The following PLEKHG4 variants were observed in gnomAD, a reference collection of about 807,000 sequenced individuals.
PLEKHG4 encodes the protein pleckstrin homology and RhoGEF domain containing G4, also known as puratrophin-1.
In PLEKHG4, 85 loss-of-function variants were observed where a neutral mutation model predicts 136.9. The observed-to-expected ratio is 0.62, with a 90% CI of 0.52 to 0.74. PLEKHG4 has a LOEUF of 0.74. PLEKHG4 is among the 30% of genes least tolerant of loss of function. The pLI, the probability that PLEKHG4 is intolerant of heterozygous loss-of-function variation, is 0.00. For missense variants in PLEKHG4, 1,317 were observed against 1,527.8 expected (o/e 0.86, Z 2.30); for synonymous variants, 577 against 646.9 (o/e 0.89, Z 1.64).
At position 67,281,179 on chromosome 16, in the gene PLEKHG4, C is replaced by A; in HGVS notation, c.808C>A (p.Leu270Ile). The change falls in exon 5 of 22, where the codon CTA (leucine) becomes ATA (isoleucine). Residue 270 changes from leucine to isoleucine, a missense_variant. Leu to Ile is a conservative substitution (Grantham distance 5). Transcript: ENST00000379344. ...TTCCCTCTTCTCTGGGCTCAGCCAACTACAAGTGAGTACAGGATTGTAGCT... is the reference window on the plus strand; with the variant it reads ...TTCCCTCTTCTCTGGGCTCAGCCAAATACAAGTGAGTACAGGATTGTAGCT... ...SSSLFSGLSQ[L>I]QEAAPGAVYQ... 6.2e-7 allele frequency: 1 copy of A among 1,600,330 alleles called. No homozygotes were observed.
rs1436750416 is a variant in PLEKHG4 at position 67,280,518 on chromosome 16, A to G, written c.474A>G (p.Ser158=). Residue 158 remains serine, a synonymous_variant, in exon 2 of 22, where the codon TCA becomes TCG. Transcript: ENST00000379344. The surrounding 1 kb of genome is among the most constrained non-coding windows in gnomAD (Gnocchi z 4.4). ...SDPVGLGDPL[S]EISKLLEAAP... ...CTGTGGGCCTTGGAGACCCTTTATCAGAAATATCAAAGCTGCTGGAGGCAG... is the reference window on the plus strand; with the variant it reads ...CTGTGGGCCTTGGAGACCCTTTATCGGAAATATCAAAGCTGCTGGAGGCAG... 2.5e-6 allele frequency: 4 copies of G among 1,612,136 alleles called. No individual in the cohort carries two copies. In the South Asian group the frequency reaches 3.3e-5, roughly 13 times the overall value.
intron 11 of PLEKHG4, among the ~76,000 whole-genome samples, chr16:67,283,262 A>G (rs1377199902): frequency 2.0e-5 from 3 of 152,138 alleles, no homozygotes; most frequent in Non-Finnish European, 4.4e-5. Context: ...CTGAGGAATC[A>G]TAAGGCCAGT....
In PLEKHG4 at chr16:67,284,651, C is replaced by G; in HGVS notation, c.1693-62C>G. ...TGGGGATGGGGAGTGGGTAGAGGAGCAGAGTGCCCAGCAGGCTTGGCAGGA... is the reference window on the plus strand; with the variant it reads ...TGGGGATGGGGAGTGGGTAGAGGAGGAGAGTGCCCAGCAGGCTTGGCAGGA... On this transcript the variant is annotated intron_variant, in intron 12 of 21. Transcript: ENST00000379344. This position sits in a 1 kb window ranked among gnomAD's most constrained non-coding sequence, Gnocchi z 4.4. 6.3e-7 allele frequency: 1 copy of G among 1,589,860 alleles called. No homozygotes were observed. Among genetic ancestry groups the G allele is most frequent in the African/African-American group, 1.3e-5 (1 of 74,562 alleles).
rs2036419210 is a variant in PLEKHG4, at chr16:67,285,337, TCCGGGCTCTAGAGTA to T, written c.2245_2259del (p.Arg749_Tyr753del). On this transcript the variant is annotated inframe_deletion, in exon 14 of 22. Coordinates refer to ENST00000379344, the MANE Select transcript of PLEKHG4 (RefSeq NM_001129729.3). ...ATGGTGGCCACGGAGCGGGAGTATGTCCGGGCTCTAGAGTACACTATGGAGAACTATTTCCCCGAG... is the reference window on the plus strand; with the variant it reads ...ATGGTGGCCACGGAGCGGGAGTATGTCACTATGGAGAACTATTTCCCCGAG... 1.2e-6 allele frequency: 2 copies of T among 1,614,062 alleles called. No homozygotes were observed. The highest frequency in any genetic ancestry group is 2.7e-5 in the African/African-American group (2 of 74,928).
At chr16:67,286,055 GCTT>G (rs2036452445) in intron 14 of PLEKHG4, among the ~76,000 whole-genome samples, 1 of 152,088 alleles carries the variant, frequency 6.6e-6, no homozygotes, top group African/African-American at 2.4e-5. Context: ...AGGGCAAGGG[GCTT>G]CTTCCTTGGG....
chr16:67,280,935 G>T lies in PLEKHG4; in HGVS notation c.649G>T (p.Ala217Ser). The T allele has an allele frequency of 6.2e-7, 1 of 1,613,236 alleles. No individual in the cohort carries two copies. Among genetic ancestry groups the T allele is most frequent in the Non-Finnish European group, 8.5e-7 (1 of 1,180,004 alleles). ...AVLLLCAHSPAWLQSECSSQE... is the reference protein window; with the variant it reads ...AVLLLCAHSPSWLQSECSSQE... ...GCTGCTTCTGTGTGCCCACAGCCCA[G>T]CCTGGCTTCAGTCTGAGTGCAGCAG... The change falls in exon 4 of 22, where the codon GCC (alanine) becomes TCC (serine). Residue 217 changes from alanine to serine, a missense_variant. Ala to Ser is a moderately conservative substitution (Grantham distance 99, BLOSUM62 1). Transcript: ENST00000379344. This position sits in a 1 kb window ranked among gnomAD's most constrained non-coding sequence, Gnocchi z 4.4.
In PLEKHG4 at chr16:67,286,838, T is replaced by C. The variant is rs1270898572; in HGVS notation, c.2844T>C (p.Leu948=). The change falls in exon 17 of 22, where the codon CTT becomes CTC. Residue 948 remains leucine, a synonymous_variant. Coordinates refer to ENST00000379344, the MANE Select transcript of PLEKHG4 (RefSeq NM_001129729.3). ...GRHKSVRRIF[L]FEELLLFSKP... is the part of the protein sequence containing the mutation. ...ACAAGTCCGTGCGCCGCATCTTCCT[T>C]TTTGAGGAGCTGCTGCTCTTCAGCA... is the stretch of plus-strand genomic sequence containing the variant. 6.2e-7 allele frequency: 1 copy of C among 1,613,976 alleles called. No homozygotes were observed. Among genetic ancestry groups the C allele is most frequent in the African/African-American group, 1.3e-5 (1 of 74,948 alleles).
At chr16:67,285,677 T>G (rs1206251974) in intron 14 of PLEKHG4, 141 bp downstream of exon 14, 58 of 934,942 alleles carry the variant, frequency 6.2e-5, no homozygotes, top group Non-Finnish European at 8.7e-5. Context: ...GAGGGTGCTC[T>G]TAGTCCAGTA....
rs575000612 is a variant in PLEKHG4 at position 67,284,776 on chromosome 16, G to A, written c.1756G>A (p.Val586Ile). 6.2e-7 allele frequency: 1 copy of A among 1,613,890 alleles called. No homozygotes were observed. Among genetic ancestry groups the A allele is most frequent in the South Asian group, 1.1e-5 (1 of 91,074 alleles). Residue 586 changes from valine to isoleucine, a missense_variant, in exon 13 of 22, where the codon GTT becomes ATT. Coordinates refer to ENST00000379344, the MANE Select transcript of PLEKHG4 (RefSeq NM_001129729.3). The surrounding 1 kb of genome is among the most constrained non-coding windows in gnomAD (Gnocchi z 4.4). Reference sequence around the variant, plus strand: ...AGAGCTGGAGCAGGAACGCCCGGGGGTTGTGTTGCAGCAGCTGCAGCTGCA... The same window carrying A: ...AGAGCTGGAGCAGGAACGCCCGGGGATTGTGTTGCAGCAGCTGCAGCTGCA... The part of the protein sequence containing the change: ...LAELEQERPG[V>I]VLQQLQLHWT...
Position 67,282,800 on chromosome 16 carries a change from C to T in PLEKHG4, c.1451C>T (p.Ser484Leu), listed in dbSNP as rs139750686. Residue 484 changes from serine (S) to leucine (L), a missense_variant, in exon 11 of 22, where the codon TCG becomes TTG. Coordinates refer to ENST00000379344, the MANE Select transcript of PLEKHG4 (RefSeq NM_001129729.3). ...GCACTGGAGGAGGCTGGGGAGCCCT[C>T]GCTGGACATGCTGCTCCAGGCCCAA... ...WPALEEAGEP[S>L]LDMLLQAQGS... The T allele has an allele frequency of 3.0e-5, 49 of 1,613,318 alleles. No individual in the cohort carries two copies. Among genetic ancestry groups the T allele is most frequent in the Middle Eastern group, 3.3e-4 (2 of 6,084 alleles).
At chr16:67,281,952 A>G (rs1597377816) in intron 7 of PLEKHG4, 57 bp from the exon 8 acceptor site, 3 of 1,556,868 alleles carry the variant, frequency 1.9e-6, no homozygotes, top group African/African-American at 2.7e-5. Context: ...CCTGGAACCC[A>G]GGAAGCCCAG....
rs757167775 is a variant in PLEKHG4 at position 67,288,793 on chromosome 16, G to A, written c.3571-10G>A. ...GGAAGCAGGCATTCATGCCTGGCCT[G>A]GCCCTGCAGGTCTGAGCCCGGGACT... On this transcript the variant is annotated splice_polypyrimidine_tract_variant and intron_variant, in intron 21 of 21. Transcript: ENST00000379344. The A allele has an allele frequency of 4.0e-5, 65 of 1,613,628 alleles. No individual in the cohort carries two copies. In the Admixed American group the frequency reaches 1.1e-3, roughly 27 times the overall value.
Position 67,279,923 on chromosome 16 carries a change from G to A in PLEKHG4, c.-122G>A. On this transcript the variant is annotated 5_prime_UTR_variant, in exon 2 of 22. Coordinates refer to ENST00000379344, the MANE Select transcript of PLEKHG4 (RefSeq NM_001129729.3). Reference sequence around the variant, plus strand: ...CCTGGCACTAAGACTGGCACCTCCTGCGGCCCATGCCCTTCGCCTGCATTG... The same window carrying A: ...CCTGGCACTAAGACTGGCACCTCCTACGGCCCATGCCCTTCGCCTGCATTG... 1.0e-6 allele frequency: 1 copy of A among 977,874 alleles called. No individual in the cohort carries two copies. Among genetic ancestry groups the A allele is most frequent in the Non-Finnish European group, 1.5e-6 (1 of 662,100 alleles). 60.6% of individuals were successfully genotyped at this position (977,874 alleles called of 1,614,324 possible).
rs201106435 is a variant in PLEKHG4 at position 67,282,494 on chromosome 16, C to T, written c.1254-9C>T. ...GGCAGGGGGTCTAAGATGGTATACC[C>T]TACACCAGGACGGCAATGGACAAGG... On this transcript the variant is annotated splice_polypyrimidine_tract_variant and intron_variant, in intron 9 of 21. Coordinates refer to ENST00000379344, the MANE Select transcript of PLEKHG4 (RefSeq NM_001129729.3). The T allele has an allele frequency of 3.5e-5, 57 of 1,613,944 alleles. No individual in the cohort carries two copies. The highest frequency in any genetic ancestry group is 4.7e-5 in the Non-Finnish European group (56 of 1,180,038).
chr16:67,282,688 G>A (rs2036290041), intron 10 of PLEKHG4, 47 bp downstream of exon 10: 3 of 1,613,462 alleles, frequency 1.9e-6, no homozygotes, highest in Admixed American at 1.7e-5. Flanking sequence ...TCTCAGACGT[G>A]AGCCCCCAGT....
upstream of PLEKHG4, chr16:67,279,388 T>A (rs1022068829): frequency 6.6e-6 from 1 of 151,590 alleles, no homozygotes; most frequent in Non-Finnish European, 1.5e-5. Flanking sequence ...GCCCGCACCT[T>A]GTCTTCCGCG....
At position 67,284,026 on chromosome 16, in the gene PLEKHG4, C is replaced by T. The variant is rs1024202735; in HGVS notation, c.1510-249C>T. Among the ~76,000 whole-genome samples the T allele has an allele frequency of 4.0e-5, 6 of 151,758 alleles. No individual in the cohort carries two copies. The highest frequency in any genetic ancestry group is 1.5e-4 in the African/African-American group (6 of 41,306). On this transcript the variant is annotated intron_variant, in intron 11 of 21. Transcript: ENST00000379344. The surrounding 1 kb of genome is among the most constrained non-coding windows in gnomAD (Gnocchi z 4.4). ...AGTGAGGCCTGAGAAGCGCTGGGGA[C>T]GGGGCAGAGTGGAGCTGGAGAGGGC...
chr16:67,287,295 C>T, intron 18 of PLEKHG4, 118 bp downstream of exon 18: 1 of 1,027,982 alleles, frequency 9.7e-7, no homozygotes, highest in Non-Finnish European at 1.5e-6. Flanking sequence ...CAGCGACAGC[C>T]ACCAGTGCAG....
chr16:67,279,341 C>T (rs972099315), upstream of PLEKHG4: 2 of 152,212 alleles, frequency 1.3e-5, no homozygotes, highest in Admixed American at 6.6e-5. Flanking sequence ...TGTCCGGGCC[C>T]ACGGAGAGGA....
Sources: gnomAD v4.1 joint callset for allele counts (sites outside exome capture counted in the v4.1 genomes callset) on GRCh38, gnomAD v4.1.1 for gene constraint, Gnocchi (gnomAD v3.1) non-coding constraint, MANE v1.5 for transcripts, NCBI Gene and HGNC (gene_info 2026-07-23, HGNC 2026-07-21) for gene names.